The following DIDO1 variants were observed in gnomAD, a reference collection of about 807,000 sequenced individuals.
The protein encoded by DIDO1 is death-inducer obliterator 1.
DIDO1 carries 16 observed loss-of-function variants against 99.4 expected under a neutral mutation model. The observed-to-expected ratio is 0.16, with a 90% CI of 0.11 to 0.24. DIDO1 has a LOEUF of 0.24. Among genes scored for constraint, DIDO1 ranks in the 10% least tolerant of loss-of-function variants. The pLI is 1.00. For missense variants in DIDO1, 2,996 were observed against 3,014.0 expected (o/e 0.99, Z 0.14); for synonymous variants, 1,366 against 1,239.1 (o/e 1.10, Z -2.15).
chr20:62,900,000 G>A (rs1304956737), intron 6 of DIDO1, among the ~76,000 whole-genome samples: 3 of 152,166 alleles, frequency 2.0e-5, no homozygotes, highest in East Asian at 1.9e-4. Flanking sequence ...GAACTATTAC[G>A]TTGTGTATAA....
rs1216002259 is a variant in DIDO1, at chr20:62,880,988, C to T, written c.4968G>A (p.Arg1656=). The change falls in exon 16 of 16, where the codon CGG becomes CGA. Residue 1656 remains arginine (R), a synonymous_variant. Coordinates refer to ENST00000395343, the MANE Select transcript of DIDO1 (RefSeq NM_001193369.2). ...AAGGCGGTGTGGGCAGCAGCACCCT[C>T]CGGGCAGGCCTGGCCGAGCTGTCTC... ...TVGDSSARPA[R]RVLLPTPPCG... is the part of the protein sequence containing the mutation. 4 of 1,605,758 alleles carry T rather than the reference C, an allele frequency of 2.5e-6. No individual in the cohort carries two copies. Among genetic ancestry groups the T allele is most frequent in the Non-Finnish European group, 3.4e-6 (4 of 1,179,002 alleles).
chr20:62,914,531 C>T (rs1012334583), intron 1 of DIDO1, 125 bp from the exon 2 acceptor site: 10 of 152,238 alleles, frequency 6.6e-5, no homozygotes, highest in Non-Finnish European at 4.4e-5. Context: ...CCCACAAAGA[C>T]AGCTTGGGGG....
rs184367511 is a variant in DIDO1, at chr20:62,936,956, G to A, written c.-200+840C>T. On this transcript the variant is annotated intron_variant, in intron 1 of 15. Transcript: ENST00000266070. ...ACTGGCATGTACTGCCTCTGCATATGAAGCATAATTTTGTCAAGACCTTAT... is the reference window on the plus strand; with the variant it reads ...ACTGGCATGTACTGCCTCTGCATATAAAGCATAATTTTGTCAAGACCTTAT... Among the ~76,000 whole-genome samples, 344 of 152,386 alleles carry A rather than the reference G, an allele frequency of 2.3e-3. 2 individuals carry two copies. Among genetic ancestry groups the A allele is most frequent in the African/African-American group, 8.0e-3 (331 of 41,586 alleles).
rs1568819981 is a variant in DIDO1 at position 62,879,998 on chromosome 20, G to T, written c.5958C>A (p.Pro1986=). The change falls in exon 16 of 16, where the codon CCC becomes CCA. Residue 1986 remains proline, a synonymous_variant. Transcript: ENST00000395343. The surrounding 1 kb of genome is among the most constrained non-coding windows in gnomAD (Gnocchi z 6.3). ...PRFTNQRAPA[P]LQFGGLRGSA... ...ACCCCCGTAGTCCACCAAACTGCAG[G>T]GGTGCAGGCGCCCTTTGGTTTGTGA... 2.5e-6 allele frequency: 4 copies of T among 1,612,040 alleles called. No homozygotes were observed. The highest frequency in any genetic ancestry group is 1.7e-6 in the Non-Finnish European group (2 of 1,179,946).
Position 62,909,719 on chromosome 20 carries a change from T to G in DIDO1, c.1141A>C (p.Lys381Gln). ...EKAANPSGKK[K>Q]LKIFQPVIEA... ...CTTACAGGCTGGAAGATCTTGAGTT[T>G]CTTCTTGCCACTTGGATTTGCAGCT... Residue 381 changes from lysine (K) to glutamine (Q), a missense_variant, in exon 4 of 16, where the codon AAA (lysine) becomes CAA (glutamine). Coordinates refer to ENST00000395343, the MANE Select transcript of DIDO1 (RefSeq NM_001193369.2). 6.2e-7 allele frequency: 1 copy of G among 1,613,488 alleles called. No individual in the cohort carries two copies. The highest frequency in any genetic ancestry group is 1.1e-5 in the South Asian group (1 of 91,074).
At chr20:62,902,132 T>C (rs1437480601) in intron 6 of DIDO1, among the ~76,000 whole-genome samples, 4 of 152,130 alleles carry the variant, frequency 2.6e-5, no homozygotes, top group Non-Finnish European at 5.9e-5. Context: ...ACCTGAGGGA[T>C]GGACAGGGGC....
At chr20:62,937,507 C>T (rs2065403666) in intron 1 of DIDO1, among the ~76,000 whole-genome samples, 1 of 152,248 alleles carries the variant, frequency 6.6e-6, no homozygotes. Context: ...TGGGAGGCGC[C>T]CTGAGGGCAG....
At chr20:62,927,017 G>A (rs1056732359), upstream of DIDO1, among the ~76,000 whole-genome samples, 1 of 151,898 alleles carries the variant, frequency 6.6e-6, no homozygotes, top group Non-Finnish European at 1.5e-5. Flanking sequence ...AGCGAGGGGC[G>A]AGGTCCAGGT....
chr20:62,913,891 C>G (rs1248873833), intron 2 of DIDO1, among the ~76,000 whole-genome samples: 1 of 152,222 alleles, frequency 6.6e-6, no homozygotes, highest in East Asian at 1.9e-4. Flanking sequence ...CAAAACCTCT[C>G]AAATATTTAG....
intron 4 of DIDO1, among the ~76,000 whole-genome samples, chr20:62,909,394 G>A (rs1010955557): frequency 1.3e-5 from 2 of 152,256 alleles, no homozygotes; most frequent in Admixed American, 1.3e-4. Context: ...AGGTGACACA[G>A]GAGCACCGCC....
intron 13 of DIDO1, 45 bp from the exon 14 acceptor site, chr20:62,892,121 T>A: frequency 6.5e-7 from 1 of 1,550,204 alleles, no homozygotes; most frequent in Non-Finnish European, 8.8e-7. Flanking sequence ...ACTGTAGTAG[T>A]CACAGAAAGA....
chr20:62,917,555 G>A (rs1225359384), intron 1 of DIDO1, among the ~76,000 whole-genome samples: 2 of 152,196 alleles, frequency 1.3e-5, no homozygotes, highest in African/African-American at 4.8e-5. Context: ...TGTTCTGTCA[G>A]GGACAGACAG....
At chr20:62,890,632 G>C (rs1470030358) in intron 15 of DIDO1, 1 of 1,204,766 alleles carries the variant, frequency 8.3e-7, no homozygotes, top group East Asian at 4.5e-5. Context: ...GGGCCGCTGG[G>C]AGTGTCACCT....
chr20:62,887,147 A>C (rs754233186), intron 15 of DIDO1: 12 of 985,384 alleles, frequency 1.2e-5, no homozygotes, highest in African/African-American at 1.7e-5. Flanking sequence ...TATGGAAAGC[A>C]AACAGGGGCC....
rs140884757 is a variant in DIDO1, at chr20:62,880,743, G to T, written c.5213C>A (p.Pro1738Gln). The stretch of plus-strand genomic sequence containing the variant: ...AGAGCCCCCCACTTTCTGTCCTGGT[G>T]GGGGGAGCGGGGCGGTGCCCTCGCC... ...RPGEGTAPLP[P>Q]PGQKVGGSQP... The change falls in exon 16 of 16, where the codon CCA becomes CAA. Residue 1738 changes from proline (P) to glutamine (Q), a missense_variant. Pro to Gln is a moderately conservative substitution (Grantham distance 76). Transcript: ENST00000395343. 223 of 1,612,604 alleles carry T rather than the reference G, an allele frequency of 1.4e-4. 1 individual carries two copies. The highest frequency in any genetic ancestry group is 1.9e-4 in the African/African-American group (14 of 75,054).
intron 6 of DIDO1, among the ~76,000 whole-genome samples, chr20:62,902,100 T>G (rs1437458109): frequency 6.6e-6 from 1 of 152,144 alleles, no homozygotes; most frequent in Non-Finnish European, 1.5e-5. Context: ...CCAAGGTGGC[T>G]GAAGCATAAG....
chr20:62,897,023 T>C (rs1237605970), intron 6 of DIDO1, 27 bp from the exon 7 acceptor site: 1 of 1,584,638 alleles, frequency 6.3e-7, no homozygotes. Context: ...AGGCGCTGAG[T>C]AAGGGAGGAC....
chr20:62,920,463 C>T (rs1249430062), intron 1 of DIDO1, among the ~76,000 whole-genome samples: 1 of 152,210 alleles, frequency 6.6e-6, no homozygotes, highest in African/African-American at 2.4e-5. Context: ...ACAGCTTTAC[C>T]GGTGACAGCG....
Position 62,896,212 on chromosome 20 carries a change from G to A in DIDO1, c.2214+21C>T, listed in dbSNP as rs748006391. ...GCGAACAGAACAGGAATACTCCAAT[G>A]CACCGACACCAGGCACACACCTGAT... On this transcript the variant is annotated intron_variant, in intron 8 of 15. Coordinates refer to ENST00000395343, the MANE Select transcript of DIDO1 (RefSeq NM_001193369.2). This position sits in a 1 kb window ranked among gnomAD's most constrained non-coding sequence, Gnocchi z 4.4. 1.2e-5 allele frequency: 19 copies of A among 1,608,640 alleles called. No homozygotes were observed. The highest frequency in any genetic ancestry group is 4.4e-5 in the South Asian group (4 of 90,682).
Sources: allele counts gnomAD v4.1 joint callset (sites outside exome capture counted in the v4.1 genomes callset), GRCh38; gene constraint gnomAD v4.1.1; non-coding constraint Gnocchi (gnomAD v3.1); transcripts MANE v1.5; gene names NCBI Gene and HGNC (gene_info 2026-07-23, HGNC 2026-07-21).